VEZF1: variants seen among roughly 807,000 people sequenced by gnomAD.
VEZF1 encodes the protein putative transcription factor DB1.
VEZF1 carries 5 observed loss-of-function variants against 44.1 expected under a neutral mutation model. That is an observed-to-expected ratio of 0.11 (90% confidence interval 0.06 to 0.24). The LOEUF is 0.24. VEZF1 is among the 10% of genes least tolerant of loss of function. The probability of loss-of-function intolerance (pLI) is 1.00; values close to 1 mark genes in which losing one functional copy is unlikely to be tolerated. For missense variants in VEZF1, 358 were observed against 641.8 expected (o/e 0.56, Z 4.78); for synonymous variants, 236 against 233.1 (o/e 1.01, Z -0.11).
intron 2 of VEZF1, 121 bp downstream of exon 2, chr17:57,982,578 C>G (rs2075259728): frequency 4.2e-6 from 4 of 953,696 alleles, no homozygotes; most frequent in Non-Finnish European, 4.6e-6. Context: ...CACCAATCTC[C>G]TCTAATAACA....
At chr17:57,984,522 T>A (rs1386615043) in intron 1 of VEZF1, among the ~76,000 whole-genome samples, 1 of 152,192 alleles carries the variant, frequency 6.6e-6, no homozygotes, top group Non-Finnish European at 1.5e-5. Context: ...GTAATCCTAA[T>A]AAGATGCATG....
At chr17:57,988,050 C>CA (rs1344012729) in intron 1 of VEZF1, 29 bp downstream of exon 1, 3 of 281,658 alleles carry the variant, frequency 1.1e-5, no homozygotes, top group African/African-American at 6.9e-5. Flanking sequence ...CCTGTCCCCC[C>CA]CGTGCCCCCC....
intron 1 of VEZF1, among the ~76,000 whole-genome samples, chr17:57,984,166 A>G (rs1479596029): frequency 6.6e-6 from 1 of 152,208 alleles, no homozygotes; most frequent in African/African-American, 2.4e-5. Flanking sequence ...AACAAACTAT[A>G]AACACTTAAA....
chr17:57,983,037 C>T lies in VEZF1; in HGVS notation c.390G>A (p.Ser130=), dbSNP rs775023683. 19 of 1,614,020 alleles carry T rather than the reference C, an allele frequency of 1.2e-5. 1 individual carries two copies. Among genetic ancestry groups the T allele is most frequent in the Middle Eastern group, 1.6e-4 (1 of 6,084 alleles). ...CTGTTGACAAGATGCCTGCAATGGT[C>T]GAGACCAACGAAGTTCGGCTGCTGT... ...AGDSSRTSLV[S]TIAGILSTVT... is the part of the protein sequence containing the mutation. Residue 130 remains serine (S), a synonymous_variant, in exon 2 of 6, where the codon TCG becomes TCA. Transcript: ENST00000581208.
intron 1 of VEZF1, chr17:57,985,448 G>A (rs1367425267): frequency 3.1e-5 from 38 of 1,220,792 alleles, no homozygotes; most frequent in Non-Finnish European, 3.9e-5. Context: ...GGGGAACTGG[G>A]TTTTCCCAAC....
chr17:57,983,011 A>T lies in VEZF1; in HGVS notation c.416T>A (p.Val139Asp). The T allele has an allele frequency of 6.2e-7, 1 of 1,614,088 alleles. No individual in the cohort carries two copies. Among genetic ancestry groups the T allele is most frequent in the Non-Finnish European group, 8.5e-7 (1 of 1,180,016 alleles). ...GTTGGTGCCCGAGGAAGATGTAGTGACTGTTGACAAGATGCCTGCAATGGT... is the reference window on the plus strand; with the variant it reads ...GTTGGTGCCCGAGGAAGATGTAGTGTCTGTTGACAAGATGCCTGCAATGGT... The part of the protein sequence containing the change: ...VSTIAGILST[V>D]TTSSSGTNPS... Residue 139 changes from valine to aspartate, a missense_variant, in exon 2 of 6, where the codon GTC (valine) becomes GAC (aspartate). By Grantham distance (152) the Val-to-Asp change is radical. This residue lies in a region of VEZF1 where 117 missense variants were observed against 207.2 expected (regional missense o/e 0.56). Coordinates refer to ENST00000581208, the MANE Select transcript of VEZF1 (RefSeq NM_007146.3).
intron 1 of VEZF1, among the ~76,000 whole-genome samples, chr17:57,987,662 C>T (rs1233710266): frequency 6.6e-6 from 1 of 152,104 alleles, no homozygotes; most frequent in Non-Finnish European, 1.5e-5. Context: ...CTGGGGACCT[C>T]CTCACCCCAC....
intron 5 of VEZF1, 139 bp from the exon 6 acceptor site, chr17:57,975,039 G>C: frequency 1.0e-6 from 1 of 1,002,226 alleles, no homozygotes; most frequent in East Asian, 2.6e-5. Flanking sequence ...GCGGTCAACA[G>C]AACAGAGGAT....
intron 1 of VEZF1, 150 bp from the exon 2 acceptor site, chr17:57,983,543 A>G (rs973852555): frequency 6.8e-5 from 47 of 694,544 alleles, no homozygotes; most frequent in African/African-American, 6.3e-4. Context: ...TAGTTACTCT[A>G]AGAGCTCACA....
Position 57,980,872 on chromosome 17 carries a change from A to G in VEZF1, c.793-86T>C, listed in dbSNP as rs2075243558. On this transcript the variant is annotated intron_variant, in intron 3 of 5. Transcript: ENST00000581208. ...TACGTTATATTCTGTGCATTACCCTATCCACATCAGCAAGCTGACAACTAG... is the reference window on the plus strand; with the variant it reads ...TACGTTATATTCTGTGCATTACCCTGTCCACATCAGCAAGCTGACAACTAG... 3 of 1,332,462 alleles carry G rather than the reference A, an allele frequency of 2.3e-6. No homozygotes were observed. The South Asian group carries it at 4.0e-5, about 18-fold the overall frequency. 82.5% of individuals were successfully genotyped at this position (1,332,462 alleles called of 1,614,324 possible).
intron 4 of VEZF1, 108 bp downstream of exon 4, chr17:57,980,495 T>C (rs1321711392): frequency 1.9e-5 from 20 of 1,071,154 alleles, no homozygotes; most frequent in African/African-American, 4.7e-5. Flanking sequence ...ATGTTGGCAA[T>C]AGGAGGAAAC....
intron 3 of VEZF1, 26 bp from the exon 4 acceptor site, chr17:57,980,812 T>A (rs992869259): frequency 1.2e-6 from 2 of 1,611,820 alleles, no homozygotes; most frequent in African/African-American, 1.3e-5. Flanking sequence ...AAACTTTTTT[T>A]AAATATAGAC....
chr17:57,978,333 C>T (rs2075212306), intron 5 of VEZF1, among the ~76,000 whole-genome samples: 1 of 152,068 alleles, frequency 6.6e-6, no homozygotes, highest in Admixed American at 6.6e-5. Flanking sequence ...ATAGAGGATT[C>T]CTTAACATTT....
rs1303137597 is a variant in VEZF1, at chr17:57,972,724, CA to C, written c.*1748del. 6.6e-6 allele frequency: 1 copy of C among 152,416 alleles called. No homozygotes were observed. The highest frequency in any genetic ancestry group is 1.9e-4 in the East Asian group (1 of 5,194). The allele number at this position is 152,416 out of a possible 1,614,324, so 9.4% of individuals were successfully genotyped here. On this transcript the variant is annotated 3_prime_UTR_variant, in exon 6 of 6. Transcript: ENST00000581208. ...GAAAGTTCCTAAGCTTTTATATATA[CA>C]AAAGTTGTACAATTTAATGTCCTAA...
chr17:57,986,233 T>C (rs2075292301), intron 1 of VEZF1: 2 of 152,194 alleles, frequency 1.3e-5, no homozygotes. Context: ...AAATAATCTT[T>C]AAAAAAGTAT....
In VEZF1 at chr17:57,979,225, A is replaced by ATGT. The variant is rs199628152; in HGVS notation, c.1062_1064dup (p.Gln354dup). On this transcript the variant is annotated inframe_insertion, in exon 5 of 6. Transcript: ENST00000581208. ...CTTGCTTCCCTGGCCAGCTTGTCAC[A>ATGT]TGTTGTTGTTGTTGTTGTTGCTGCT... The ATGT allele has an allele frequency of 0.011, 16,860 of 1,604,722 alleles. 286 individuals carry two copies. The highest frequency in any genetic ancestry group is 0.083 in the African/African-American group (6,072 of 72,824).
At position 57,979,326 on chromosome 17, in the gene VEZF1, C is replaced by G. The variant is rs367625702; in HGVS notation, c.977-13G>C. 1.9e-5 allele frequency: 30 copies of G among 1,612,756 alleles called. No individual in the cohort carries two copies. The highest frequency in any genetic ancestry group is 8.5e-7 in the Non-Finnish European group (1 of 1,179,594). Reference sequence around the variant, plus strand: ...TCACTCATGCATGCTATTACAAAGACAAACCAAAAACACTGTATCTACCTG... The same window carrying G: ...TCACTCATGCATGCTATTACAAAGAGAAACCAAAAACACTGTATCTACCTG... On this transcript the variant is annotated splice_polypyrimidine_tract_variant and intron_variant, in intron 4 of 5. Transcript: ENST00000581208.
intron 5 of VEZF1, among the ~76,000 whole-genome samples, chr17:57,978,661 G>T (rs759895512): frequency 2.0e-5 from 3 of 152,052 alleles, no homozygotes. Flanking sequence ...CAAGAGAAAA[G>T]ACATCAACAC....
At position 57,972,545 on chromosome 17, in the gene VEZF1, C is replaced by G. The variant is rs1454978924; in HGVS notation, c.*1928G>C. On this transcript the variant is annotated 3_prime_UTR_variant, in exon 6 of 6. Coordinates refer to ENST00000581208, the MANE Select transcript of VEZF1 (RefSeq NM_007146.3). The stretch of plus-strand genomic sequence containing the variant: ...ACCATTTTTGTACTGTGGATAAGAA[C>G]AGTTGTAACAAAGTCATAGCTACAT... The G allele has an allele frequency of 2.6e-5, 4 of 152,620 alleles. No individual in the cohort carries two copies. Among genetic ancestry groups the G allele is most frequent in the Admixed American group, 2.6e-4 (4 of 15,282 alleles). 9.5% of individuals were successfully genotyped at this position (152,620 alleles called of 1,614,324 possible). A position where few individuals can be genotyped will look rare whatever the true frequency, so the allele number is the denominator to read the frequency against.
Sources: gnomAD v4.1 joint callset for allele counts (sites outside exome capture counted in the v4.1 genomes callset) on GRCh38, gnomAD v4.1.1 for gene constraint, gnomAD v4.1.1 regional missense constraint, MANE v1.5 for transcripts, NCBI Gene and HGNC (gene_info 2026-07-23, HGNC 2026-07-21) for gene names.